The following COL4A4 variants were observed in gnomAD, a reference collection of about 807,000 sequenced individuals.
COL4A4 encodes collagen alpha-4(IV) chain.
In COL4A4, 105 loss-of-function variants were observed where a neutral mutation model predicts 192.9. The observed-to-expected ratio is 0.54, with a 90% CI of 0.46 to 0.64. COL4A4 has a LOEUF of 0.64. COL4A4 is among the 30% of genes least tolerant of loss of function. The pLI, the probability that COL4A4 is intolerant of heterozygous loss-of-function variation, is 0.00. For missense variants in COL4A4, 1,967 were observed against 2,169.3 expected (o/e 0.91, Z 1.85); for synonymous variants, 762 against 769.9 (o/e 0.99, Z 0.17).
chr2:227,045,646 G>C (rs1388479891), intron 35 of COL4A4, among the ~76,000 whole-genome samples: 1 of 150,276 alleles, frequency 6.7e-6, no homozygotes, highest in African/African-American at 2.5e-5. Context: ...GTGCACACCT[G>C]TAGTCCCAGC....
intron 25 of COL4A4, among the ~76,000 whole-genome samples, chr2:227,072,989 A>G (rs1195357408): frequency 1.3e-5 from 2 of 152,084 alleles, no homozygotes; most frequent in African/African-American, 2.4e-5. Context: ...CAGGAACAAG[A>G]GAAGGATGCC....
At chr2:227,152,744 A>T (rs148169533) in intron 1 of COL4A4, among the ~76,000 whole-genome samples, 212 of 152,338 alleles carry the variant, frequency 1.4e-3, no homozygotes, top group African/African-American at 5.0e-3. Flanking sequence ...TTTTGTTTCA[A>T]CAAAGCTTTT....
chr2:227,058,407 C>T (rs1280357082), intron 28 of COL4A4, among the ~76,000 whole-genome samples: 2 of 152,148 alleles, frequency 1.3e-5, no homozygotes, highest in African/African-American at 4.8e-5. Flanking sequence ...GTGAGATAGT[C>T]GGATTACTGG....
intron 42 of COL4A4, among the ~76,000 whole-genome samples, chr2:227,026,514 A>G (rs1279633091): frequency 6.6e-6 from 1 of 152,084 alleles, no homozygotes; most frequent in Non-Finnish European, 1.5e-5. Flanking sequence ...AAAAAAAAAA[A>G]AGAATCAACA....
chr2:227,013,296 C>G (rs200417426), intron 44 of COL4A4, among the ~76,000 whole-genome samples: 3 of 152,156 alleles, frequency 2.0e-5, no homozygotes, highest in Non-Finnish European at 4.4e-5. Context: ...GTCTCTCTCT[C>G]TCTGCCACAG....
chr2:227,065,232 G>T (rs979004700), intron 25 of COL4A4, among the ~76,000 whole-genome samples: 2 of 152,180 alleles, frequency 1.3e-5, no homozygotes, highest in Admixed American at 1.3e-4. Flanking sequence ...GGCTCGGAGG[G>T]TCCTACGCCA....
intron 4 of COL4A4, among the ~76,000 whole-genome samples, chr2:227,139,143 C>A (rs1384660511): frequency 6.6e-6 from 1 of 152,200 alleles, no homozygotes; most frequent in African/African-American, 2.4e-5. Flanking sequence ...AGTGAGAAGA[C>A]ACCATCTGCA....
At chr2:227,042,087 C>T (rs1971590161) in intron 37 of COL4A4, 61 bp downstream of exon 37, 2 of 1,022,476 alleles carry the variant, frequency 2.0e-6, no homozygotes, top group Middle Eastern at 2.0e-4. Flanking sequence ...GAAAAAAACA[C>T]CATCAATTTG....
At chr2:227,077,751 T>G (rs918907208) in intron 25 of COL4A4, 143 bp downstream of exon 25, 2 of 720,204 alleles carry the variant, frequency 2.8e-6, no homozygotes, top group African/African-American at 3.6e-5. Flanking sequence ...TACAAAAATC[T>G]ACACGTTAGG....
chr2:227,066,784 G>A (rs527812733), intron 25 of COL4A4, among the ~76,000 whole-genome samples: 4 of 151,674 alleles, frequency 2.6e-5, no homozygotes, highest in African/African-American at 4.8e-5. Context: ...AAAGACCATC[G>A]AGACTAGGAA....
chr2:227,027,159 G>A (rs962405182), intron 42 of COL4A4, among the ~76,000 whole-genome samples: 105 of 151,480 alleles, frequency 6.9e-4, no homozygotes, highest in African/African-American at 2.4e-3. Flanking sequence ...GTTTGAGTCA[G>A]GTGGATCACT....
At position 227,043,071 on chromosome 2, in the gene COL4A4, A is replaced by G. The variant is rs1282089644; in HGVS notation, c.3397+6T>C. On this transcript the variant is annotated splice_donor_region_variant and intron_variant, in intron 36 of 47. Transcript: ENST00000396625. ...CAGGAAGTCTCCAGATTTCCTTTCAAGGTACCTGGGCACCCTGGTGGTCCA... is the reference window on the plus strand; with the variant it reads ...CAGGAAGTCTCCAGATTTCCTTTCAGGGTACCTGGGCACCCTGGTGGTCCA... The G allele has an allele frequency of 1.9e-6, 3 of 1,607,214 alleles. No individual in the cohort carries two copies. The highest frequency in any genetic ancestry group is 1.1e-5 in the South Asian group (1 of 90,840).
chr2:227,001,545 G>C (rs1055469176), downstream of COL4A4, among the ~76,000 whole-genome samples: 3 of 152,088 alleles, frequency 2.0e-5, no homozygotes, highest in African/African-American at 4.8e-5. Context: ...CTCTATGTGA[G>C]ACCCTCTATT....
chr2:227,129,455 G>A (rs965464489), intron 4 of COL4A4, among the ~76,000 whole-genome samples: 11 of 150,562 alleles, frequency 7.3e-5, no homozygotes, highest in Non-Finnish European at 1.6e-4. Context: ...TGTCACCCAG[G>A]CTGGAGTACA....
At chr2:227,108,492 G>A (rs551583197) in intron 12 of COL4A4, 89 bp downstream of exon 12, 1 of 1,309,736 alleles carries the variant, frequency 7.6e-7, no homozygotes, top group African/African-American at 1.4e-5. Flanking sequence ...TAGATAATGA[G>A]TACAAGTTCA....
Position 227,060,120 on chromosome 2 carries a change from A to AAAAAAAAAAAAAAAAC in COL4A4, c.2164+15_2164+16insGTTTTTTTTTTTTTTT. On this transcript the variant is annotated intron_variant, in intron 27 of 47. Coordinates refer to ENST00000396625, the MANE Select transcript of COL4A4 (RefSeq NM_000092.5). Reference sequence around the variant, plus strand: ...AAAGCAGAAAAAAAAAAAAAAAAAAAAAAAACCTCACTGACCAGGTGGACC... The same window carrying AAAAAAAAAAAAAAAAC: ...AAAGCAGAAAAAAAAAAAAAAAAAAAAAAAAAAAAAAAAAACAAAAACCTCACTGACCAGGTGGACC... 1 of 1,403,936 alleles carries AAAAAAAAAAAAAAAAC rather than the reference A, an allele frequency of 7.1e-7. No homozygotes were observed. Among genetic ancestry groups the AAAAAAAAAAAAAAAAC allele is most frequent in the South Asian group, 1.3e-5 (1 of 79,304 alleles). 87.0% of individuals were successfully genotyped at this position (1,403,936 alleles called of 1,614,324 possible).
At position 227,099,787 on chromosome 2, in the gene COL4A4, A is replaced by G. The variant is rs1278584631; in HGVS notation, c.1030-98T>C. 9.7e-6 allele frequency: 10 copies of G among 1,035,484 alleles called. No homozygotes were observed. In the South Asian group the frequency reaches 1.1e-4, roughly 11 times the overall value. 64.1% of individuals were successfully genotyped at this position (1,035,484 alleles called of 1,614,324 possible). A position where few individuals can be genotyped will look rare whatever the true frequency, so the allele number is the denominator to read the frequency against. On this transcript the variant is annotated intron_variant, in intron 17 of 47. Transcript: ENST00000396625. Reference sequence around the variant, plus strand: ...TTAGAACGATCATGTGCACATTCATATAAGAAGCAGAGATTATAGGCTGAC... The same window carrying G: ...TTAGAACGATCATGTGCACATTCATGTAAGAAGCAGAGATTATAGGCTGAC...
rs1317717 is a variant in COL4A4 at position 227,103,504 on chromosome 2, T to G, written c.817-307A>C. On this transcript the variant is annotated intron_variant, in intron 13 of 47. Transcript: ENST00000396625. ...AAGTAAAGAAATTTAACCCAGCAAT[T>G]GAAAAGCAACAATAGAATCTTCATG... 0.68 allele frequency among the ~76,000 whole-genome samples: 103,184 copies of G among 152,086 alleles called. 35,054 individuals are homozygous for G. The highest frequency in any genetic ancestry group is 0.75 in the African/African-American group (30,935 of 41,474).
Position 227,108,841 on chromosome 2 carries a change from C to G in COL4A4, c.685G>C (p.Gly229Arg). The G allele has an allele frequency of 1.2e-6, 2 of 1,611,932 alleles. No individual in the cohort carries two copies. Among genetic ancestry groups the G allele is most frequent in the Non-Finnish European group, 1.7e-6 (2 of 1,178,752 alleles). ...TGCTCATGACTGCCTACCTTCAAAC[C>G]TGGACGCCCTGGTTGGCCCGGAGGT... The part of the protein sequence containing the change: ...VGPPGQPGRP[G>R]LKGNPGVGVK... Residue 229 changes from glycine to arginine, a missense_variant, in exon 11 of 48, where the codon GGT becomes CGT. Physicochemically the swap from Gly to Arg is moderately radical, Grantham distance 125. Transcript: ENST00000396625.
Sources: allele counts gnomAD v4.1 joint callset (sites outside exome capture counted in the v4.1 genomes callset), GRCh38; gene constraint gnomAD v4.1.1; transcripts MANE v1.5; gene names NCBI Gene and HGNC (gene_info 2026-07-23, HGNC 2026-07-21).